Variants in CTNNA3 observed in about 807,000 individuals in gnomAD.
CTNNA3 encodes the protein catenin alpha-3.
CTNNA3 carries 76 observed loss-of-function variants against 95.7 expected under a neutral mutation model. The ratio of observed to expected loss-of-function variants is 0.79; its 90% confidence interval spans 0.66 to 0.96. The LOEUF (loss-of-function observed/expected upper bound fraction) is 0.96, where lower values mean the gene tolerates loss of function less well. Among genes scored for constraint, CTNNA3 ranks in the 40% least tolerant of loss-of-function variants. CTNNA3 has a pLI of 0.00. For synonymous variants in CTNNA3, 431 were observed against 374.4 expected (o/e 1.15, Z -1.74); for missense variants, 1,191 against 1,089.8 (o/e 1.09, Z -1.31).
intron 13 of CTNNA3, among the ~76,000 whole-genome samples, chr10:66,136,143 C>T (rs1564686675): frequency 1.3e-5 from 2 of 152,126 alleles, no homozygotes; most frequent in Non-Finnish European, 2.9e-5. Context: ...ACCTTGTGAT[C>T]CGTCCTTCTC....
intron 2 of CTNNA3, among the ~76,000 whole-genome samples, chr10:67,608,909 G>A (rs1256003408): frequency 6.6e-6 from 1 of 151,834 alleles, no homozygotes; most frequent in Non-Finnish European, 1.5e-5. Flanking sequence ...TGACCAACAT[G>A]GACAAACCCC....
chr10:66,312,062 T>C (rs1183568874), intron 12 of CTNNA3, among the ~76,000 whole-genome samples: 2 of 152,220 alleles, frequency 1.3e-5, no homozygotes, highest in Non-Finnish European at 2.9e-5. Context: ...GCTTTTGTAG[T>C]TATAATAATT....
chr10:66,544,029 T>C (rs1238395669), intron 10 of CTNNA3, among the ~76,000 whole-genome samples: 2 of 150,816 alleles, frequency 1.3e-5, no homozygotes, highest in South Asian at 2.1e-4. Flanking sequence ...GCCAGCTCCA[T>C]TAGTAATTTT....
intron 7 of CTNNA3, among the ~76,000 whole-genome samples, chr10:67,146,166 C>T (rs1860833609): frequency 1.3e-5 from 2 of 152,124 alleles, no homozygotes; most frequent in South Asian, 2.1e-4. Context: ...AATGACTTGG[C>T]TCAAAAGCAT....
chr10:67,162,588 T>C (rs766793803), intron 7 of CTNNA3, among the ~76,000 whole-genome samples: 33 of 151,762 alleles, frequency 2.2e-4, no homozygotes, highest in Non-Finnish European at 4.3e-4. Flanking sequence ...AGTAATCTAA[T>C]CATCTATCTC....
intron 12 of CTNNA3, among the ~76,000 whole-genome samples, chr10:66,339,375 A>G (rs1299540743): frequency 6.6e-6 from 1 of 151,906 alleles, no homozygotes; most frequent in Non-Finnish European, 1.5e-5. Flanking sequence ...TTTAATTTCT[A>G]TATTATAAAC....
chr10:67,131,336 T>C (rs1051824510), intron 7 of CTNNA3, among the ~76,000 whole-genome samples: 1 of 152,112 alleles, frequency 6.6e-6, no homozygotes, highest in African/African-American at 2.4e-5. Flanking sequence ...ATGGAGACAA[T>C]AATAGCATAT....
intron 10 of CTNNA3, among the ~76,000 whole-genome samples, chr10:66,579,448 C>A (rs913572217): frequency 1.3e-5 from 2 of 151,660 alleles, no homozygotes; most frequent in African/African-American, 2.4e-5. Context: ...TTGAAAGAGA[C>A]CATTAAAGTG....
At chr10:66,701,845 G>A (rs1040316913) in intron 9 of CTNNA3, among the ~76,000 whole-genome samples, 1 of 151,902 alleles carries the variant, frequency 6.6e-6, no homozygotes, top group Non-Finnish European at 1.5e-5. Context: ...CTTGGAGATG[G>A]GACCCACGTC....
chr10:67,418,065 G>A (rs1845607611), intron 5 of CTNNA3, among the ~76,000 whole-genome samples: 1 of 152,110 alleles, frequency 6.6e-6, no homozygotes, highest in African/African-American at 2.4e-5. Context: ...CTACAACATG[G>A]ATAAACCTTA....
chr10:66,325,552 A>C (rs2092244096), intron 12 of CTNNA3, among the ~76,000 whole-genome samples: 1 of 152,038 alleles, frequency 6.6e-6, no homozygotes, highest in Admixed American at 6.5e-5. Context: ...GCCAACAATG[A>C]GCTTCTTAAT....
At chr10:67,274,349 G>A (rs1391729535) in intron 5 of CTNNA3, among the ~76,000 whole-genome samples, 1 of 152,090 alleles carries the variant, frequency 6.6e-6, no homozygotes, top group Non-Finnish European at 1.5e-5. Context: ...AGAGTTACTA[G>A]TATACAAGGG....
At chr10:66,711,120 C>T (rs575122038) in intron 9 of CTNNA3, among the ~76,000 whole-genome samples, 2 of 151,826 alleles carry the variant, frequency 1.3e-5, no homozygotes, top group South Asian at 2.1e-4. Context: ...GAACATAATC[C>T]TATTTTCTAC....
chr10:66,597,582 T>G (rs1301704809), intron 10 of CTNNA3, among the ~76,000 whole-genome samples: 2 of 127,876 alleles, frequency 1.6e-5, no homozygotes, highest in Admixed American at 8.0e-5. Flanking sequence ...AAATAACAAA[T>G]AAATAATAAA....
At chr10:66,880,619 TA>T (rs199510170) in intron 7 of CTNNA3, among the ~76,000 whole-genome samples, 1 of 152,050 alleles carries the variant, frequency 6.6e-6, no homozygotes, top group Non-Finnish European at 1.5e-5. Flanking sequence ...GCCAGTGACT[TA>T]AAAAATGGCA....
Position 67,606,842 on chromosome 10 carries a change from G to C in CTNNA3, c.292+15C>G. 4 of 1,602,400 alleles carry C rather than the reference G, an allele frequency of 2.5e-6. No individual in the cohort carries two copies. The highest frequency in any genetic ancestry group is 3.4e-6 in the Non-Finnish European group (4 of 1,171,158). On this transcript the variant is annotated intron_variant, in intron 3 of 17. Coordinates refer to ENST00000433211, the MANE Select transcript of CTNNA3 (RefSeq NM_013266.4). ...AGATATGCAGTTTGCTCCTGACCAG[G>C]ATTGGAGTACTCACTTTCTTTGCGA...
At chr10:67,291,290 G>T (rs1346192061) in intron 5 of CTNNA3, among the ~76,000 whole-genome samples, 1 of 152,008 alleles carries the variant, frequency 6.6e-6, no homozygotes, top group Non-Finnish European at 1.5e-5. Context: ...CACTAATAGT[G>T]ACACAGCTGG....
intron 11 of CTNNA3, among the ~76,000 whole-genome samples, chr10:66,452,643 T>C (rs937449926): frequency 2.6e-5 from 4 of 152,194 alleles, no homozygotes; most frequent in Non-Finnish European, 5.9e-5. Flanking sequence ...TCAGAAATCA[T>C]GCAGCCAGAG....
intron 7 of CTNNA3, among the ~76,000 whole-genome samples, chr10:66,956,609 A>G (rs1378773832): frequency 6.6e-6 from 1 of 152,196 alleles, no homozygotes; most frequent in Non-Finnish European, 1.5e-5. Flanking sequence ...TCAATAGTCA[A>G]AAGGCATAAT....
Sources: gnomAD v4.1 joint callset for allele counts (sites outside exome capture counted in the v4.1 genomes callset) on GRCh38, gnomAD v4.1.1 for gene constraint, MANE v1.5 for transcripts, NCBI Gene and HGNC (gene_info 2026-07-23, HGNC 2026-07-21) for gene names.